Variants in GPC5 observed in about 807,000 individuals in gnomAD.
GPC5 encodes the protein glypican-5.
In GPC5, 47 loss-of-function variants were observed where a neutral mutation model predicts 53.9. The observed-to-expected ratio is 0.87, with a 90% confidence interval of 0.69 to 1.11. The LOEUF (loss-of-function observed/expected upper bound fraction) is 1.11, where lower values mean the gene tolerates loss of function less well. Among genes scored for constraint, GPC5 ranks in the 50% most tolerant of loss-of-function variants. The probability of loss-of-function intolerance (pLI) is 0.00; values close to 1 mark genes in which losing one functional copy is unlikely to be tolerated. For missense variants in GPC5, 748 were observed against 713.1 expected (o/e 1.05, Z -0.56); for synonymous variants, 286 against 263.3 (o/e 1.09, Z -0.84).
At chr13:91,525,358 A>C (rs1325085683) in intron 2 of GPC5, among the ~76,000 whole-genome samples, 1 of 152,214 alleles carries the variant, frequency 6.6e-6, no homozygotes, top group East Asian at 1.9e-4. Flanking sequence ...TTTGGTACTG[A>C]ATATTGAAAT....
chr13:92,066,392 T>C, intron 6 of GPC5, among the ~76,000 whole-genome samples: 1 of 151,158 alleles, frequency 6.6e-6, no homozygotes, highest in Non-Finnish European at 1.5e-5. Context: ...GTAGATGATT[T>C]GCTCAGATTT....
chr13:92,850,557 C>A (rs1478622842), intron 7 of GPC5, among the ~76,000 whole-genome samples: 1 of 152,058 alleles, frequency 6.6e-6, no homozygotes, highest in African/African-American at 2.4e-5. Context: ...CGATGTTGTG[C>A]CACTGCACTC....
At chr13:91,926,359 T>TAAAAAA (rs34690525) in intron 6 of GPC5, among the ~76,000 whole-genome samples, 5 of 96,322 alleles carry the variant, frequency 5.2e-5, no homozygotes, top group African/African-American at 1.6e-4. Flanking sequence ...AGACTCCACC[T>TAAAAAA]AAAAAAAAAA....
At chr13:92,117,315 T>C (rs2041609283) in intron 6 of GPC5, among the ~76,000 whole-genome samples, 2 of 152,182 alleles carry the variant, frequency 1.3e-5, no homozygotes, top group Admixed American at 6.5e-5. Context: ...ATTTTATTTC[T>C]GAATTTTCTA....
At chr13:92,849,693 T>C (rs1257568658) in intron 7 of GPC5, among the ~76,000 whole-genome samples, 1 of 152,218 alleles carries the variant, frequency 6.6e-6, no homozygotes, top group Admixed American at 6.5e-5. Context: ...CTGAATGATA[T>C]GCATATGGGT....
At chr13:92,628,088 A>G (rs1278209751) in intron 7 of GPC5, among the ~76,000 whole-genome samples, 1 of 152,024 alleles carries the variant, frequency 6.6e-6, no homozygotes, top group Non-Finnish European at 1.5e-5. Context: ...CACACCCAAC[A>G]CTAAAAGTAA....
chr13:92,697,620 T>C (rs1277781840), intron 7 of GPC5, among the ~76,000 whole-genome samples: 1 of 152,182 alleles, frequency 6.6e-6, no homozygotes, highest in Admixed American at 6.5e-5. Context: ...TTTCTAAATA[T>C]ACAATCATGT....
chr13:91,846,680 T>A (rs1280165170), intron 5 of GPC5, among the ~76,000 whole-genome samples: 3 of 152,156 alleles, frequency 2.0e-5, no homozygotes, highest in African/African-American at 7.2e-5. Flanking sequence ...CTTGGATACC[T>A]CTGCAAGTAT....
intron 2 of GPC5, among the ~76,000 whole-genome samples, chr13:91,490,748 A>G (rs1447468719): frequency 6.6e-6 from 1 of 152,192 alleles, no homozygotes; most frequent in Non-Finnish European, 1.5e-5. Context: ...AGCTAAATGT[A>G]CAAGTTACTT....
At chr13:92,462,358 T>A (rs1184603862) in intron 7 of GPC5, among the ~76,000 whole-genome samples, 5 of 151,866 alleles carry the variant, frequency 3.3e-5, no homozygotes, top group Non-Finnish European at 7.4e-5. Flanking sequence ...AGAATCCAGG[T>A]CTGTTTTGAA....
chr13:92,158,502 G>T (rs1349153439), intron 7 of GPC5, among the ~76,000 whole-genome samples: 1 of 150,644 alleles, frequency 6.6e-6, no homozygotes, highest in Non-Finnish European at 1.5e-5. Flanking sequence ...CTTTTCAGTT[G>T]TTCCTTTTTT....
rs185293120 is a variant in GPC5 at position 92,248,141 on chromosome 13, G to A, written c.1561+103152G>A. On this transcript the variant is annotated intron_variant, in intron 7 of 7. Coordinates refer to ENST00000377067, the MANE Select transcript of GPC5 (RefSeq NM_004466.6). ...GATATGGACATGAGGGAGATCTGTA[G>A]ATGAATACTGTACAATACTTTGACG... Among the ~76,000 whole-genome samples, 34 of 151,834 alleles carry A rather than the reference G, an allele frequency of 2.2e-4. 1 individual carries two copies. The East Asian group carries it at 5.0e-3, about 23-fold the overall frequency.
At chr13:92,843,954 C>T (rs1318758711) in intron 7 of GPC5, among the ~76,000 whole-genome samples, 3 of 151,098 alleles carry the variant, frequency 2.0e-5, no homozygotes, top group African/African-American at 7.3e-5. Flanking sequence ...ACCCTTTGCC[C>T]CTGGCTGTTA....
intron 6 of GPC5, among the ~76,000 whole-genome samples, chr13:92,033,036 C>CGTGTGTGTGTGTGTGTGTGT (rs60958496): frequency 6.5e-5 from 9 of 138,990 alleles, no homozygotes; most frequent in Admixed American, 4.4e-4. Flanking sequence ...TAGTTATTGT[C>CGTGTGTGTGTGTGTGTGTGT]GTGTGTGTGT....
intron 7 of GPC5, among the ~76,000 whole-genome samples, chr13:92,365,418 G>A (rs1466095414): frequency 6.6e-6 from 1 of 151,680 alleles, no homozygotes; most frequent in Non-Finnish European, 1.5e-5. Context: ...TGAGTGAGTG[G>A]TGAGTGGATG....
intron 7 of GPC5, among the ~76,000 whole-genome samples, chr13:92,778,090 A>G (rs545912774): frequency 9.9e-5 from 15 of 152,218 alleles, no homozygotes; most frequent in Non-Finnish European, 1.3e-4. Context: ...AAATTCTAAC[A>G]TGACACTGAA....
chr13:91,500,006 T>C (rs781515001), intron 2 of GPC5, among the ~76,000 whole-genome samples: 49 of 152,334 alleles, frequency 3.2e-4, no homozygotes, highest in Non-Finnish European at 6.6e-4. Context: ...ATGTTTTCTC[T>C]TCCAGGAAAC....
chr13:92,030,362 C>A (rs1274582438), intron 6 of GPC5, among the ~76,000 whole-genome samples: 1 of 152,132 alleles, frequency 6.6e-6, no homozygotes, highest in Non-Finnish European at 1.5e-5. Context: ...ATCCTTTCCT[C>A]TTCTTTCTGT....
At chr13:92,542,305 CA>C (rs1881957509) in intron 7 of GPC5, among the ~76,000 whole-genome samples, 1 of 151,922 alleles carries the variant, frequency 6.6e-6, no homozygotes, top group African/African-American at 2.4e-5. Flanking sequence ...AATTTTATAT[CA>C]ATTAACCAAC....
Sources: gnomAD v4.1 joint callset for allele counts (sites outside exome capture counted in the v4.1 genomes callset) on GRCh38, gnomAD v4.1.1 for gene constraint, MANE v1.5 for transcripts, NCBI Gene and HGNC (gene_info 2026-07-23, HGNC 2026-07-21) for gene names.